The following LRP1B variants were observed in gnomAD, a reference collection of about 807,000 sequenced individuals.
LRP1B encodes the protein LDL receptor related protein 1B, also known as low-density lipoprotein receptor-related protein 1B.
A neutral mutation model predicts 556.6 loss-of-function variants in LRP1B; 217 were observed. The ratio of observed to expected loss-of-function variants is 0.39; its 90% CI spans 0.35 to 0.44. The LOEUF (loss-of-function observed/expected upper bound fraction) is 0.44, where lower values mean the gene tolerates loss of function less well. LRP1B is among the 20% of genes least tolerant of loss of function. The probability of loss-of-function intolerance (pLI) is 1.00; values close to 1 mark genes in which losing one functional copy is unlikely to be tolerated. For missense variants in LRP1B, 5,053 were observed against 5,620.8 expected (o/e 0.90, Z 3.23); for synonymous variants, 2,047 against 1,865.8 (o/e 1.10, Z -2.50).
intron 86 of LRP1B, among the ~76,000 whole-genome samples, chr2:140,264,744 AT>A (rs550801859): frequency 1.1e-4 from 16 of 146,456 alleles, no homozygotes; most frequent in African/African-American, 2.8e-4. Context: ...GTGTGTGTAT[AT>A]AATTTTCCCA....
chr2:141,628,750 C>T (rs1688795119), intron 2 of LRP1B, among the ~76,000 whole-genome samples: 1 of 152,006 alleles, frequency 6.6e-6, no homozygotes. Flanking sequence ...TGGGCTCAAG[C>T]AATCCTCCCA....
intron 1 of LRP1B, among the ~76,000 whole-genome samples, chr2:142,075,531 CTT>C (rs1409361216): frequency 2.0e-5 from 3 of 152,060 alleles, no homozygotes; most frequent in South Asian, 2.1e-4. Flanking sequence ...CCACACCACT[CTT>C]TTAAAGAAGC....
intron 1 of LRP1B, among the ~76,000 whole-genome samples, chr2:141,911,926 T>G (rs183002215): frequency 6.6e-6 from 1 of 152,162 alleles, no homozygotes; most frequent in Non-Finnish European, 1.5e-5. Context: ...CTAAATCTCA[T>G]GAACCCCCTA....
intron 18 of LRP1B, among the ~76,000 whole-genome samples, chr2:140,981,952 T>C (rs1696782342): frequency 6.6e-6 from 1 of 152,196 alleles, no homozygotes; most frequent in African/African-American, 2.4e-5. Flanking sequence ...TAGCTGAGAA[T>C]ATTGTTTCTG....
At chr2:141,748,527 C>G (rs916856929) in intron 2 of LRP1B, among the ~76,000 whole-genome samples, 1 of 152,188 alleles carries the variant, frequency 6.6e-6, no homozygotes. Flanking sequence ...CATCTGAACA[C>G]AGCCAGATAT....
At chr2:141,128,802 T>C (rs1453048356) in intron 7 of LRP1B, among the ~76,000 whole-genome samples, 1 of 152,118 alleles carries the variant, frequency 6.6e-6, no homozygotes, top group Non-Finnish European at 1.5e-5. Flanking sequence ...ATGAAGATTG[T>C]TTAACAAAAT....
intron 6 of LRP1B, among the ~76,000 whole-genome samples, chr2:141,205,654 C>G (rs1230140960): frequency 1.3e-5 from 2 of 148,388 alleles, no homozygotes; most frequent in Non-Finnish European, 3.0e-5. Flanking sequence ...TTCTAATTTA[C>G]TCAATTGTAT....
intron 3 of LRP1B, among the ~76,000 whole-genome samples, chr2:141,272,374 T>G (rs2105371033): frequency 6.6e-6 from 1 of 152,032 alleles, no homozygotes; most frequent in Admixed American, 6.5e-5. Flanking sequence ...AAATATTCAC[T>G]TAAGGAAGAG....
intron 3 of LRP1B, among the ~76,000 whole-genome samples, chr2:141,305,541 G>A (rs946236671): frequency 1.3e-5 from 2 of 152,074 alleles, no homozygotes; most frequent in African/African-American, 4.8e-5. Flanking sequence ...CAGCAAAGAG[G>A]GAGAATTTGA....
intron 7 of LRP1B, among the ~76,000 whole-genome samples, chr2:141,164,341 C>T (rs1273407819): frequency 2.6e-5 from 4 of 151,780 alleles, no homozygotes; most frequent in African/African-American, 7.3e-5. Context: ...AAGGAATTCC[C>T]CAATTTTCAT....
At chr2:141,556,873 T>C (rs1217380000) in intron 2 of LRP1B, among the ~76,000 whole-genome samples, 2 of 151,762 alleles carry the variant, frequency 1.3e-5, no homozygotes, top group Non-Finnish European at 1.5e-5. Flanking sequence ...CCAGGTCCCA[T>C]AGCAAGTAAG....
At chr2:140,807,329 A>T (rs1690753675) in intron 32 of LRP1B, among the ~76,000 whole-genome samples, 1 of 151,898 alleles carries the variant, frequency 6.6e-6, no homozygotes, top group South Asian at 2.1e-4. Flanking sequence ...AAGTTTTTTT[A>T]AATTTGTGTT....
chr2:141,880,162 A>G (rs539453418), intron 1 of LRP1B, among the ~76,000 whole-genome samples: 1 of 151,948 alleles, frequency 6.6e-6, no homozygotes, highest in African/African-American at 2.4e-5. Context: ...TCTACGATCC[A>G]TCAAGGGCCA....
intron 3 of LRP1B, among the ~76,000 whole-genome samples, chr2:141,315,559 G>A (rs1017252729): frequency 1.7e-4 from 25 of 151,472 alleles, no homozygotes; most frequent in African/African-American, 5.3e-4. Context: ...ACGCCCGGCC[G>A]AATGATTGTA....
intron 7 of LRP1B, among the ~76,000 whole-genome samples, chr2:141,111,452 T>C (rs941136493): frequency 6.6e-6 from 1 of 152,124 alleles, no homozygotes; most frequent in Non-Finnish European, 1.5e-5. Flanking sequence ...ATGAAAGGAG[T>C]TAGCCAGCTT....
At chr2:141,250,171 G>A (rs1285568388) in intron 4 of LRP1B, among the ~76,000 whole-genome samples, 1 of 152,104 alleles carries the variant, frequency 6.6e-6, no homozygotes, top group African/African-American at 2.4e-5. Context: ...AAAATACTTG[G>A]AATTTTTTGA....
intron 3 of LRP1B, among the ~76,000 whole-genome samples, chr2:141,355,240 C>A (rs1187089276): frequency 6.6e-6 from 1 of 152,044 alleles, no homozygotes; most frequent in Non-Finnish European, 1.5e-5. Context: ...TCTTTCATAT[C>A]AGCACATTAT....
intron 18 of LRP1B, among the ~76,000 whole-genome samples, chr2:140,978,850 G>A (rs955213385): frequency 2.0e-5 from 3 of 152,140 alleles, no homozygotes; most frequent in African/African-American, 4.8e-5. Context: ...AACCCATGCC[G>A]CTAGTTTACC....
intron 7 of LRP1B, among the ~76,000 whole-genome samples, chr2:141,152,584 C>G (rs1461290017): frequency 6.6e-6 from 1 of 151,800 alleles, no homozygotes; most frequent in African/African-American, 2.4e-5. Context: ...TACACCCTGG[C>G]TCAGACAGGA....
Sources: allele counts gnomAD v4.1 joint callset (sites outside exome capture counted in the v4.1 genomes callset), GRCh38; gene constraint gnomAD v4.1.1; transcripts MANE v1.5; gene names NCBI Gene and HGNC (gene_info 2026-07-23, HGNC 2026-07-21).